Variants in SLC25A23 observed in about 807,000 individuals in gnomAD.
SLC25A23 encodes solute carrier family 25 member 23.
A neutral mutation model predicts 53.9 loss-of-function variants in SLC25A23; 32 were observed. That is an observed-to-expected ratio of 0.59 (90% CI 0.45 to 0.80). The LOEUF (loss-of-function observed/expected upper bound fraction) is 0.80. SLC25A23 is among the 30% of genes least tolerant of loss of function. The pLI, the probability that SLC25A23 is intolerant of heterozygous loss-of-function variation, is 0.00. For missense variants in SLC25A23, 575 were observed against 651.4 expected, an observed-to-expected ratio of 0.88 and a Z score of 1.28; for synonymous variants, 275 against 264.5, an observed-to-expected ratio of 1.04 and a Z score of -0.38.
Position 6,444,230 on chromosome 19 carries a change from G to C in SLC25A23, c.1143C>G (p.Ala381=). Reference sequence around the variant, plus strand: ...CGCAGGTGCTGGATATGGTACCGCAGGCCAGGAGCACGAGGATGCCTGGGT... The same window carrying C: ...CGCAGGTGCTGGATATGGTACCGCACGCCAGGAGCACGAGGATGCCTGGGT... The part of the protein sequence containing the change: ...SADPGILVLL[A]CGTISSTCGQ... Residue 381 remains alanine (A), a synonymous_variant, in exon 9 of 10, where the codon GCC becomes GCG. Coordinates refer to ENST00000301454, the MANE Select transcript of SLC25A23 (RefSeq NM_024103.3). The C allele has an allele frequency of 1.2e-6, 2 of 1,605,258 alleles. No individual in the cohort carries two copies. The highest frequency in any genetic ancestry group is 1.7e-6 in the Non-Finnish European group (2 of 1,176,736).
Position 6,454,588 on chromosome 19 carries a change from G to A in SLC25A23, c.613C>T (p.Pro205Ser). 6.2e-7 allele frequency: 1 copy of A among 1,613,754 alleles called. No homozygotes were observed. The highest frequency in any genetic ancestry group is 8.5e-7 in the Non-Finnish European group (1 of 1,180,002). The change falls in exon 5 of 10, where the codon CCT (proline) becomes TCT (serine). Residue 205 changes from proline (P) to serine (S), a missense_variant. Transcript: ENST00000301454. This position sits in a 1 kb window ranked among gnomAD's most constrained non-coding sequence, Gnocchi z 4.3. ...AGAVSRTGTA[P>S]LDRLKVFMQV... Reference sequence around the variant, plus strand: ...ATGAAGACCTTGAGGCGGTCCAGAGGGGCCGTGCCTGTCCGTGACACGGCA... The same window carrying A: ...ATGAAGACCTTGAGGCGGTCCAGAGAGGCCGTGCCTGTCCGTGACACGGCA...
intron 2 of SLC25A23, 95 bp from the exon 3 acceptor site, chr19:6,457,685 T>A: frequency 1.8e-6 from 2 of 1,083,064 alleles, no homozygotes; most frequent in Non-Finnish European, 2.8e-6. Flanking sequence ...ATGGAGGTGG[T>A]CTAGCAAGAT....
At chr19:6,446,061 T>A (rs572736236) in intron 8 of SLC25A23, among the ~76,000 whole-genome samples, 2 of 150,762 alleles carry the variant, frequency 1.3e-5, no homozygotes, top group South Asian at 4.2e-4. Context: ...AGAGTGAGAC[T>A]CAGTATCAAA....
Position 6,444,151 on chromosome 19 carries a change from C to A in SLC25A23, c.1222G>T (p.Ala408Ser). The change falls in exon 9 of 10, where the codon GCC (alanine) becomes TCC (serine). Residue 408 changes from alanine (A) to serine (S), a missense_variant and splice_region_variant. Coordinates refer to ENST00000301454, the MANE Select transcript of SLC25A23 (RefSeq NM_024103.3). Reference protein sequence around the residue: ...ALVRTRMQAQASIEGGPQLSM... With the variant: ...ALVRTRMQAQSSIEGGPQLSM... Reference sequence around the variant, plus strand: ...CCCCATCCTCCCGCCCAGGCCTCACCTTGTGCCTGCATGCGGGTCCGGACC... The same window carrying A: ...CCCCATCCTCCCGCCCAGGCCTCACATTGTGCCTGCATGCGGGTCCGGACC... 1 of 1,577,450 alleles carries A rather than the reference C, an allele frequency of 6.3e-7. No individual in the cohort carries two copies. The highest frequency in any genetic ancestry group is 2.3e-5 in the East Asian group (1 of 43,716).
rs2092726790 is a variant in SLC25A23 at position 6,459,306 on chromosome 19, A to G, written c.156+167T>C. 6.6e-6 allele frequency among the ~76,000 whole-genome samples: 1 copy of G among 152,084 alleles called. No individual in the cohort carries two copies. The highest frequency in any genetic ancestry group is 6.5e-5 in the Admixed American group (1 of 15,286). ...GGCCTCGGCGTCCCTGTCTTGAGCGATCCCGTTAGGCCAAACACGAGTGGG... is the reference window on the plus strand; with the variant it reads ...GGCCTCGGCGTCCCTGTCTTGAGCGGTCCCGTTAGGCCAAACACGAGTGGG... On this transcript the variant is annotated intron_variant, in intron 1 of 9. Coordinates refer to ENST00000301454, the MANE Select transcript of SLC25A23 (RefSeq NM_024103.3). The surrounding 1 kb of genome is among the most constrained non-coding windows in gnomAD (Gnocchi z 4.6).
At chr19:6,451,187 G>C (rs2092583760) in intron 8 of SLC25A23, among the ~76,000 whole-genome samples, 1 of 151,858 alleles carries the variant, frequency 6.6e-6, no homozygotes, top group Non-Finnish European at 1.5e-5. Context: ...TCAGGAGTTT[G>C]AGACCAGCCT....
chr19:6,436,707 G>A (rs139537462), downstream of SLC25A23, among the ~76,000 whole-genome samples: 529 of 151,976 alleles, frequency 3.5e-3, 5 homozygotes, highest in African/African-American at 0.012. Context: ...CCGCCACCAC[G>A]TCCGGCTAAT....
chr19:6,442,297 A>T, intron 9 of SLC25A23, 138 bp from the exon 10 acceptor site: 1 of 620,102 alleles, frequency 1.6e-6, no homozygotes. Context: ...CCTACCACTC[A>T]GAGTCGAGAC....
At chr19:6,458,822 T>G (rs954307062) in intron 1 of SLC25A23, among the ~76,000 whole-genome samples, 1 of 151,956 alleles carries the variant, frequency 6.6e-6, no homozygotes, top group African/African-American at 2.4e-5. Context: ...TTTTTCCCAT[T>G]TGGGAAGTGG....
intron 8 of SLC25A23, among the ~76,000 whole-genome samples, chr19:6,444,744 T>C (rs1157597952): frequency 6.6e-6 from 1 of 152,040 alleles, no homozygotes; most frequent in Non-Finnish European, 1.5e-5. Context: ...CTTGGCTCAC[T>C]GCAATCTCCA....
Position 6,459,750 on chromosome 19 carries a change from C to A in SLC25A23, c.-122G>T. The A allele has an allele frequency of 1.3e-6, 1 of 793,678 alleles. No homozygotes were observed. Among genetic ancestry groups the A allele is most frequent in the Non-Finnish European group, 1.7e-6 (1 of 600,842 alleles). The allele number at this position is 793,678 out of a possible 1,614,324, so 49.2% of individuals were successfully genotyped here. On this transcript the variant is annotated 5_prime_UTR_variant, in exon 1 of 10. Transcript: ENST00000301454. This position sits in a 1 kb window ranked among gnomAD's most constrained non-coding sequence, Gnocchi z 4.6. ...CCCGCGGCCGCCGGCTCCGCAGCCTCCGCGCAGTCCGCTCGGCTCTGGCAC... is the reference window on the plus strand; with the variant it reads ...CCCGCGGCCGCCGGCTCCGCAGCCTACGCGCAGTCCGCTCGGCTCTGGCAC...
rs200758261 is a variant in SLC25A23, at chr19:6,456,547, G to A, written c.372-16C>T. 1.2e-6 allele frequency: 2 copies of A among 1,609,688 alleles called. No individual in the cohort carries two copies. The highest frequency in any genetic ancestry group is 2.2e-5 in the East Asian group (1 of 44,872). Reference sequence around the variant, plus strand: ...TCGGTCCATGCTGGGGGGAAGAAAGGGGGTGGAGGAGGACAGGTTCAGTGC... The same window carrying A: ...TCGGTCCATGCTGGGGGGAAGAAAGAGGGTGGAGGAGGACAGGTTCAGTGC... On this transcript the variant is annotated splice_polypyrimidine_tract_variant and intron_variant, in intron 3 of 9. Transcript: ENST00000301454.
chr19:6,450,794 T>C (rs1466831845), intron 8 of SLC25A23, among the ~76,000 whole-genome samples: 1 of 152,056 alleles, frequency 6.6e-6, no homozygotes, highest in Non-Finnish European at 1.5e-5. Flanking sequence ...GTTCAAAAAT[T>C]ATTGGCCAGG....
chr19:6,456,251 C>T, intron 4 of SLC25A23, 169 bp downstream of exon 4: 1 of 949,956 alleles, frequency 1.1e-6, no homozygotes. Flanking sequence ...GACCCTTGAA[C>T]CCTAAGTGGA....
intron 1 of SLC25A23, 64 bp from the exon 2 acceptor site, chr19:6,458,388 T>A: frequency 6.4e-7 from 1 of 1,556,422 alleles, no homozygotes; most frequent in Non-Finnish European, 8.7e-7. Flanking sequence ...AGGGGACGCA[T>A]GTCACCTTAT....
rs774044505 is a variant in SLC25A23, at chr19:6,441,924, A to G, written c.*51T>C. ...TCCTGTGGTTGGATCATCAGTCTCC[A>G]GTGGCTGAGGTGTGGGGGGTGAGGG... On this transcript the variant is annotated 3_prime_UTR_variant, in exon 10 of 10. Transcript: ENST00000301454. 7.1e-6 allele frequency: 11 copies of G among 1,543,710 alleles called. No individual in the cohort carries two copies. In the Admixed American group the frequency reaches 8.6e-5, roughly 12 times the overall value.
intron 3 of SLC25A23, 25 bp from the exon 4 acceptor site, chr19:6,456,556 G>A (rs2092685795): frequency 1.9e-6 from 3 of 1,592,404 alleles, no homozygotes; most frequent in South Asian, 2.2e-5. Context: ...GGGGGTGGAG[G>A]AGGACAGGTT....
At chr19:6,450,056 C>T (rs923574065) in intron 8 of SLC25A23, among the ~76,000 whole-genome samples, 1 of 151,796 alleles carries the variant, frequency 6.6e-6, no homozygotes, top group Non-Finnish European at 1.5e-5. Context: ...TGGGGTTTCA[C>T]CATGTTGGCC....
At chr19:6,458,014 G>C (rs904050655) in intron 2 of SLC25A23, among the ~76,000 whole-genome samples, 184 bp downstream of exon 2, 1 of 152,050 alleles carries the variant, frequency 6.6e-6, no homozygotes, top group African/African-American at 2.4e-5. Context: ...GGTGGGATGG[G>C]CTGGCTGGGC....
Sources: gnomAD v4.1 joint callset for allele counts (sites outside exome capture counted in the v4.1 genomes callset) on GRCh38, gnomAD v4.1.1 for gene constraint, Gnocchi (gnomAD v3.1) non-coding constraint, MANE v1.5 for transcripts, NCBI Gene and HGNC (gene_info 2026-07-23, HGNC 2026-07-21) for gene names.